The following MAD1L1 variants were observed in gnomAD, a reference collection of about 807,000 sequenced individuals.
The protein encoded by MAD1L1 is mitotic spindle assembly checkpoint protein MAD1.
MAD1L1 carries 95 observed loss-of-function variants against 96.9 expected under a neutral mutation model. The ratio of observed to expected loss-of-function variants is 0.98; its 90% CI spans 0.83 to 1.16. MAD1L1 has a LOEUF of 1.16. MAD1L1 is among the 50% of genes most tolerant of loss of function. MAD1L1 has a pLI of 0.00. For synonymous variants in MAD1L1, 473 were observed against 396.6 expected, an observed-to-expected ratio of 1.19 and a Z score of -2.29; for missense variants, 1,007 against 954.4, an observed-to-expected ratio of 1.06 and a Z score of -0.73.
At chr7:1,971,099 A>G (rs1002526962) in intron 15 of MAD1L1, among the ~76,000 whole-genome samples, 1 of 152,196 alleles carries the variant, frequency 6.6e-6, no homozygotes, top group Admixed American at 6.5e-5. Context: ...TTCCACCTCA[A>G]TACAGTGAAT....
At chr7:1,852,580 G>A (rs1562458558) in intron 18 of MAD1L1, among the ~76,000 whole-genome samples, 1 of 152,190 alleles carries the variant, frequency 6.6e-6, no homozygotes, top group Non-Finnish European at 1.5e-5. Flanking sequence ...TGATTTAAAA[G>A]TTAATTAAAC....
intron 16 of MAD1L1, among the ~76,000 whole-genome samples, chr7:1,941,645 C>T (rs1056305781): frequency 6.6e-6 from 1 of 152,248 alleles, no homozygotes; most frequent in Non-Finnish European, 1.5e-5. Context: ...CCAGGTCCTG[C>T]TCTCCCGGAG....
rs918624686 is a variant in MAD1L1 at position 1,859,364 on chromosome 7, C to T, written c.1998+38836G>A. Among the ~76,000 whole-genome samples the T allele has an allele frequency of 4.6e-5, 7 of 152,330 alleles. No homozygotes were observed. In the South Asian group the frequency reaches 6.2e-4, roughly 14 times the overall value. On this transcript the variant is annotated intron_variant, in intron 18 of 18. Coordinates refer to ENST00000265854, the MANE Select transcript of MAD1L1 (RefSeq NM_001013836.2). ...TCGGCCCTTCCAGCTTGCATCTCCC[C>T]GTTGATTCCAACTCATTCTGCACAG...
chr7:1,856,455 C>T (rs1017434126), intron 18 of MAD1L1, among the ~76,000 whole-genome samples: 3 of 152,232 alleles, frequency 2.0e-5, no homozygotes, highest in African/African-American at 4.8e-5. Context: ...GGGGAACCAG[C>T]GCGCGGAGCA....
intron 15 of MAD1L1, among the ~76,000 whole-genome samples, chr7:1,972,137 A>G (rs958530962): frequency 6.6e-6 from 1 of 152,160 alleles, no homozygotes; most frequent in East Asian, 1.9e-4. Context: ...GATCTGTCAT[A>G]TGTGTGGATG....
intron 17 of MAD1L1, among the ~76,000 whole-genome samples, chr7:1,902,651 C>T (rs1262408625): frequency 6.8e-6 from 1 of 147,556 alleles, no homozygotes; most frequent in Non-Finnish European, 1.5e-5. Context: ...CCAGGTCGGC[C>T]GGGCTACGTG....
Position 1,886,020 on chromosome 7 carries a change from C to T in MAD1L1, c.1998+12180G>A, listed in dbSNP as rs555482001. 5.4e-4 allele frequency among the ~76,000 whole-genome samples: 82 copies of T among 152,388 alleles called. 1 individual carries two copies. The highest frequency in any genetic ancestry group is 2.1e-3 in the South Asian group (10 of 4,832). On this transcript the variant is annotated intron_variant, in intron 18 of 18. Coordinates refer to ENST00000265854, the MANE Select transcript of MAD1L1 (RefSeq NM_001013836.2). ...GGTCCTACTGCCTCCACCCCACGAC[C>T]GCCCCACCTGGGCCCTCACCAGCCC...
rs533887216 is a variant in MAD1L1, at chr7:2,164,126, T to C, written c.987-14888A>G. Among the ~76,000 whole-genome samples the C allele has an allele frequency of 2.1e-4, 32 of 152,300 alleles. No individual in the cohort carries two copies. The East Asian group carries it at 5.6e-3, about 27-fold the overall frequency. ...GCAGACACCTATGTCCTCTTCTCAA[T>C]AGGTTACTTGTATAACGAACCGCTG... On this transcript the variant is annotated intron_variant, in intron 10 of 18. Coordinates refer to ENST00000265854, the MANE Select transcript of MAD1L1 (RefSeq NM_001013836.2).
chr7:2,222,493 G>A (rs1031529894), intron 5 of MAD1L1, 82 bp downstream of exon 5: 70 of 1,263,364 alleles, frequency 5.5e-5, no homozygotes, highest in Middle Eastern at 2.0e-4. Flanking sequence ...GAAAACACAA[G>A]CGGGCACTGC....
At chr7:2,027,658 T>TA (rs1783046929) in intron 12 of MAD1L1, among the ~76,000 whole-genome samples, 2 of 152,176 alleles carry the variant, frequency 1.3e-5, no homozygotes, top group East Asian at 1.9e-4. Flanking sequence ...CTATTCACGA[T>TA]AAAAACTATG....
At chr7:2,163,365 G>A (rs1757421204) in intron 10 of MAD1L1, among the ~76,000 whole-genome samples, 1 of 152,162 alleles carries the variant, frequency 6.6e-6, no homozygotes, top group South Asian at 2.1e-4. Flanking sequence ...ACAGGCGACA[G>A]TATGTATTCT....
At chr7:1,947,165 C>T (rs377347225) in intron 16 of MAD1L1, among the ~76,000 whole-genome samples, 25 of 152,316 alleles carry the variant, frequency 1.6e-4, no homozygotes, top group African/African-American at 4.3e-4. Context: ...CGCCCTGGTG[C>T]GTGCAGGAGC....
chr7:1,875,774 C>G (rs1431343724), intron 18 of MAD1L1, among the ~76,000 whole-genome samples: 1 of 152,242 alleles, frequency 6.6e-6, no homozygotes, highest in Non-Finnish European at 1.5e-5. Flanking sequence ...GCAACTGTTA[C>G]AGGCTGAACT....
chr7:2,210,422 G>C (rs149401019), intron 10 of MAD1L1, among the ~76,000 whole-genome samples: 1 of 137,704 alleles, frequency 7.3e-6, no homozygotes, highest in African/African-American at 2.6e-5. Context: ...AGCCGTATTC[G>C]GGACCGCCAG....
chr7:2,090,111 C>T (rs1045546056), intron 11 of MAD1L1, among the ~76,000 whole-genome samples: 4 of 152,210 alleles, frequency 2.6e-5, no homozygotes, highest in African/African-American at 9.6e-5. Flanking sequence ...AGTCATTCAC[C>T]GCCAGGGACT....
At chr7:1,972,438 T>C (rs1780446627) in intron 15 of MAD1L1, among the ~76,000 whole-genome samples, 1 of 152,200 alleles carries the variant, frequency 6.6e-6, no homozygotes, top group South Asian at 2.1e-4. Context: ...GGCTTGTGGG[T>C]TCTGAGGAGT....
At chr7:1,821,620 C>T (rs7808761) in intron 18 of MAD1L1, among the ~76,000 whole-genome samples, 1,789 of 152,180 alleles carry the variant, frequency 0.012, 38 homozygotes, top group African/African-American at 0.04. Context: ...TGTACAACGA[C>T]GGCTAGTTCA....
At chr7:1,948,668 G>A (rs921347283) in intron 16 of MAD1L1, among the ~76,000 whole-genome samples, 6 of 152,230 alleles carry the variant, frequency 3.9e-5, no homozygotes, top group African/African-American at 1.4e-4. Context: ...AGCCTCTGTG[G>A]TTCCATAGCA....
At chr7:2,216,382 C>G (rs1249172962) in intron 7 of MAD1L1, 95 bp from the exon 8 acceptor site, 11 of 1,273,996 alleles carry the variant, frequency 8.6e-6, no homozygotes, top group Non-Finnish European at 1.2e-5. Context: ...GGAAGCCGGT[C>G]TGCAACGGCT....
Sources: allele counts gnomAD v4.1 joint callset (sites outside exome capture counted in the v4.1 genomes callset), GRCh38; gene constraint gnomAD v4.1.1; transcripts MANE v1.5; gene names NCBI Gene and HGNC (gene_info 2026-07-23, HGNC 2026-07-21).